The following SAMD5 variants were observed in gnomAD, a reference collection of about 807,000 sequenced individuals.
SAMD5 encodes the protein sterile alpha motif domain-containing protein 5.
In SAMD5, 13 loss-of-function variants were observed where a neutral mutation model predicts 11.3. The ratio of observed to expected loss-of-function variants is 1.15; its 90% CI spans 0.75 to 1.83. SAMD5 has a LOEUF of 1.83. SAMD5 is among the 40% of genes most tolerant of loss of function. The pLI is 0.00. For missense variants in SAMD5, 255 were observed against 239.1 expected (o/e 1.07, Z -0.44); for synonymous variants, 129 against 111.3 (o/e 1.16, Z -1.00).
At chr6:147,864,841 T>G in the SAMD5 span, among the ~76,000 whole-genome samples, 2 of 152,184 alleles carry the variant, frequency 1.3e-5, no homozygotes, top group African/African-American at 4.8e-5. Flanking sequence ...AGGTCCTCTG[T>G]GCTAAGTATC....
At chr6:147,761,828 T>C in the SAMD5 span, among the ~76,000 whole-genome samples, 6 of 152,186 alleles carry the variant, frequency 3.9e-5, no homozygotes, top group African/African-American at 1.4e-4. Context: ...TTCTCCTGTC[T>C]CAGCCTCCCG....
intron 1 of SAMD5, among the ~76,000 whole-genome samples, chr6:147,674,712 T>G (rs917528426): frequency 1.3e-5 from 2 of 152,224 alleles, no homozygotes; most frequent in Non-Finnish European, 2.9e-5. Context: ...TTGTTATTTT[T>G]CGTGTCCTGA....
intron 1 of SAMD5, among the ~76,000 whole-genome samples, chr6:147,576,514 C>T (rs1789219664): frequency 6.6e-6 from 1 of 152,094 alleles, no homozygotes; most frequent in Admixed American, 6.6e-5. Flanking sequence ...CTGTGTGGTA[C>T]AGTGGAAAGG....
chr6:147,882,784 TATAG>T, the SAMD5 span, among the ~76,000 whole-genome samples: 1 of 152,222 alleles, frequency 6.6e-6, no homozygotes, highest in Admixed American at 6.5e-5. Flanking sequence ...CATTAAAAGA[TATAG>T]ATCTTGTGTA....
At chr6:147,905,778 T>C in the SAMD5 span, among the ~76,000 whole-genome samples, 1 of 152,212 alleles carries the variant, frequency 6.6e-6, no homozygotes, top group African/African-American at 2.4e-5. Flanking sequence ...TAAAAATGTG[T>C]GGGCCCCCAA....
chr6:147,799,165 G>C, the SAMD5 span, among the ~76,000 whole-genome samples: 4 of 151,870 alleles, frequency 2.6e-5, no homozygotes, highest in African/African-American at 7.3e-5. Flanking sequence ...TCCTAGTCTC[G>C]ATGGTCTTTA....
At chr6:147,817,571 A>G in the SAMD5 span, among the ~76,000 whole-genome samples, 1,915 of 152,358 alleles carry the variant, frequency 0.013, 32 homozygotes, top group East Asian at 0.063. Flanking sequence ...TCTTAGAAAT[A>G]TGGAAAGACA....
At chr6:147,931,039 CAT>C in the SAMD5 span, among the ~76,000 whole-genome samples, 3 of 152,242 alleles carry the variant, frequency 2.0e-5, no homozygotes, top group East Asian at 5.8e-4. Context: ...TAATGTTAAC[CAT>C]CACAGGAGTT....
the SAMD5 span, among the ~76,000 whole-genome samples, chr6:147,859,288 G>C: frequency 3.9e-5 from 6 of 152,212 alleles, no homozygotes; most frequent in African/African-American, 1.4e-4. Context: ...TGAATTTTCT[G>C]GCTTACTTTC....
At chr6:147,861,371 C>T in the SAMD5 span, among the ~76,000 whole-genome samples, 8 of 136,416 alleles carry the variant, frequency 5.9e-5, no homozygotes, top group African/African-American at 7.5e-5. Flanking sequence ...TCACCATATT[C>T]GCCAGGCTAG....
intron 1 of SAMD5, among the ~76,000 whole-genome samples, chr6:147,519,891 T>A (rs1788225194): frequency 1.3e-5 from 2 of 152,218 alleles, no homozygotes; most frequent in Admixed American, 1.3e-4. Context: ...TGTTTAAAAT[T>A]GTCAGCAGGA....
At chr6:147,619,777 A>G (rs547584237) in intron 1 of SAMD5, among the ~76,000 whole-genome samples, 157 of 152,288 alleles carry the variant, frequency 1.0e-3, no homozygotes, top group Middle Eastern at 3.4e-3. Context: ...TGGAGAGGCC[A>G]TCACAAAGTG....
chr6:147,574,082 C>A (rs563096007), downstream of SAMD5, among the ~76,000 whole-genome samples: 2 of 151,474 alleles, frequency 1.3e-5, no homozygotes, highest in African/African-American at 4.8e-5. Flanking sequence ...GAGCTGAGAT[C>A]GCGCCACTGC....
At chr6:147,766,190 A>G in the SAMD5 span, among the ~76,000 whole-genome samples, 1 of 151,996 alleles carries the variant, frequency 6.6e-6, no homozygotes, top group Non-Finnish European at 1.5e-5. Context: ...CATAAACAGA[A>G]AACAGAATTA....
intron 1 of SAMD5, among the ~76,000 whole-genome samples, chr6:147,536,788 A>G: frequency 6.6e-6 from 1 of 152,180 alleles, no homozygotes; most frequent in African/African-American, 2.4e-5. Context: ...ATTTTTCTAT[A>G]ATTTTGGAAT....
At chr6:147,790,017 A>G in the SAMD5 span, among the ~76,000 whole-genome samples, 1 of 152,222 alleles carries the variant, frequency 6.6e-6, no homozygotes, top group Non-Finnish European at 1.5e-5. Flanking sequence ...GCCACTTTAG[A>G]CAGTTTCTGA....
At chr6:147,769,848 C>T in the SAMD5 span, among the ~76,000 whole-genome samples, 1 of 152,136 alleles carries the variant, frequency 6.6e-6, no homozygotes, top group Non-Finnish European at 1.5e-5. Context: ...TCCCTTTGGT[C>T]TATGGTCTAC....
intron 1 of SAMD5, among the ~76,000 whole-genome samples, chr6:147,736,429 C>T (rs368815085): frequency 1.1e-4 from 16 of 152,144 alleles, no homozygotes; most frequent in African/African-American, 2.4e-4. Flanking sequence ...TATCATAAAT[C>T]GAGAAAAGTC....
At chr6:147,760,714 C>T in the SAMD5 span, among the ~76,000 whole-genome samples, 3 of 152,130 alleles carry the variant, frequency 2.0e-5, no homozygotes, top group African/African-American at 4.8e-5. Flanking sequence ...TGTAGGCAAC[C>T]GTGTCAGTAT....
Sources: gnomAD v4.1 joint callset for allele counts (sites outside exome capture counted in the v4.1 genomes callset) on GRCh38, gnomAD v4.1.1 for gene constraint, MANE v1.5 for transcripts, NCBI Gene and HGNC (gene_info 2026-07-23, HGNC 2026-07-21) for gene names.